ADGRB3: variants seen among roughly 807,000 people sequenced by gnomAD.
The protein encoded by ADGRB3 is brain-specific angiogenesis inhibitor 3.
Under a neutral mutation model 193.4 loss-of-function variants are expected in ADGRB3, and 37 were observed. The observed-to-expected ratio is 0.19, with a 90% CI of 0.15 to 0.25. The LOEUF is 0.25. Ranked by LOEUF, ADGRB3 falls within the 10% of genes least tolerant of loss-of-function variation. The pLI, the probability that ADGRB3 is intolerant of heterozygous loss-of-function variation, is 1.00. For synonymous variants in ADGRB3, 690 were observed against 644.2 expected, an observed-to-expected ratio of 1.07 and a Z score of -1.08; for missense variants, 1,637 against 1,852.9, an observed-to-expected ratio of 0.88 and a Z score of 2.14.
At chr6:68,725,271 T>C (rs969782551) in intron 3 of ADGRB3, among the ~76,000 whole-genome samples, 1 of 151,700 alleles carries the variant, frequency 6.6e-6, no homozygotes, top group African/African-American at 2.4e-5. Context: ...TTTTAGGATT[T>C]ATCCCACATA....
At chr6:69,346,899 A>G (rs953093031) in intron 26 of ADGRB3, among the ~76,000 whole-genome samples, 1 of 152,218 alleles carries the variant, frequency 6.6e-6, no homozygotes, top group East Asian at 1.9e-4. Flanking sequence ...CTATAAAGAC[A>G]CATGTACACC....
intron 20 of ADGRB3, among the ~76,000 whole-genome samples, chr6:69,323,484 TGA>T (rs1267533449): frequency 1.3e-5 from 2 of 152,080 alleles, no homozygotes; most frequent in Non-Finnish European, 2.9e-5. Context: ...AGTATAGGTA[TGA>T]GGAAGTTTTC....
At chr6:68,791,372 C>T (rs1039034315) in intron 3 of ADGRB3, among the ~76,000 whole-genome samples, 1 of 152,072 alleles carries the variant, frequency 6.6e-6, no homozygotes, top group Non-Finnish European at 1.5e-5. Flanking sequence ...TAGGTATATG[C>T]TACATAAGTA....
chr6:68,974,180 T>C (rs940482880), intron 8 of ADGRB3, among the ~76,000 whole-genome samples: 1 of 152,154 alleles, frequency 6.6e-6, no homozygotes, highest in African/African-American at 2.4e-5. Flanking sequence ...AATATTTTTA[T>C]TGATATGCCT....
intron 20 of ADGRB3, among the ~76,000 whole-genome samples, chr6:69,267,831 T>TC (rs1052332903): frequency 5.8e-4 from 88 of 152,220 alleles, no homozygotes; most frequent in Middle Eastern, 6.8e-3. Context: ...TTGAGTTTTT[T>TC]CCCGACATCT....
At chr6:68,798,056 A>G (rs1406219200) in intron 3 of ADGRB3, among the ~76,000 whole-genome samples, 2 of 152,276 alleles carry the variant, frequency 1.3e-5, no homozygotes, top group South Asian at 4.1e-4. Flanking sequence ...GGAATTCATT[A>G]CCAGATGAGT....
rs1768741420 is a variant in ADGRB3, at chr6:69,332,032, G to A, written c.3103-891G>A. 5 of 985,182 alleles carry A rather than the reference G, an allele frequency of 5.1e-6. No individual in the cohort carries two copies. The Admixed American group carries it at 1.8e-4, about 36-fold the overall frequency. 61.0% of individuals were successfully genotyped at this position (985,182 alleles called of 1,614,324 possible). ...TATTCACCATCTTCATTGGCAGCAG[G>A]GCAGGGTTACACCAAGATTGGAAAG... On this transcript the variant is annotated intron_variant, in intron 23 of 31. Transcript: ENST00000370598.
At chr6:68,844,292 T>A (rs1364389103) in intron 3 of ADGRB3, among the ~76,000 whole-genome samples, 1 of 151,750 alleles carries the variant, frequency 6.6e-6, no homozygotes, top group Non-Finnish European at 1.5e-5. Flanking sequence ...AAATGATTAA[T>A]AACTAGAAAA....
intron 10 of ADGRB3, among the ~76,000 whole-genome samples, chr6:68,992,868 T>C (rs1769274908): frequency 6.6e-6 from 1 of 152,094 alleles, no homozygotes; most frequent in Non-Finnish European, 1.5e-5. Flanking sequence ...TTAACCTTCC[T>C]ATTTCACTAT....
chr6:68,864,254 A>C (rs1385538841), intron 3 of ADGRB3, among the ~76,000 whole-genome samples: 4 of 152,206 alleles, frequency 2.6e-5, no homozygotes, highest in African/African-American at 9.7e-5. Flanking sequence ...ATGCACAGTT[A>C]AGTTATGGCA....
chr6:68,856,733 A>T (rs1764995909), intron 3 of ADGRB3, among the ~76,000 whole-genome samples: 1 of 152,342 alleles, frequency 6.6e-6, no homozygotes, highest in African/African-American at 2.4e-5. Flanking sequence ...GAGAAATTCA[A>T]GCTAGCTGCA....
intron 3 of ADGRB3, among the ~76,000 whole-genome samples, chr6:68,837,325 A>G (rs1274168403): frequency 1.3e-5 from 2 of 152,222 alleles, no homozygotes; most frequent in Non-Finnish European, 2.9e-5. Flanking sequence ...TGTACTATCA[A>G]TATAATGTAA....
At chr6:68,791,421 G>A (rs886278785) in intron 3 of ADGRB3, among the ~76,000 whole-genome samples, 5 of 152,112 alleles carry the variant, frequency 3.3e-5, no homozygotes, top group African/African-American at 1.2e-4. Context: ...AAGAAAATTA[G>A]TGGAACGTTT....
intron 17 of ADGRB3, among the ~76,000 whole-genome samples, chr6:69,158,793 G>A (rs1392631922): frequency 2.6e-5 from 4 of 151,934 alleles, no homozygotes; most frequent in Non-Finnish European, 5.9e-5. Flanking sequence ...GGGATCATAA[G>A]AGCACTTGAG....
intron 13 of ADGRB3, among the ~76,000 whole-genome samples, chr6:69,040,386 TC>T (rs1189212633): frequency 1.9e-4 from 1 of 5,224 alleles, no homozygotes; most frequent in Admixed American, 2.4e-3. Flanking sequence ...TCCTTCTCTC[TC>T]TTTCTTTCCT....
At chr6:68,755,458 G>A (rs910202086) in intron 3 of ADGRB3, among the ~76,000 whole-genome samples, 9 of 152,118 alleles carry the variant, frequency 5.9e-5, no homozygotes, top group African/African-American at 9.7e-5. Flanking sequence ...TGCTATGAGC[G>A]TGCTCACAAT....
intron 20 of ADGRB3, among the ~76,000 whole-genome samples, chr6:69,284,016 A>C (rs1767497990): frequency 6.6e-6 from 1 of 152,090 alleles, no homozygotes. Flanking sequence ...TATTCCACAA[A>C]AGGGGCCCTG....
intron 7 of ADGRB3, 22 bp from the exon 8 acceptor site, chr6:68,956,623 G>T: frequency 1.2e-6 from 2 of 1,613,174 alleles, no homozygotes; most frequent in South Asian, 2.2e-5. Context: ...GACTGACATT[G>T]ACCATGAAAC....
intron 3 of ADGRB3, among the ~76,000 whole-genome samples, chr6:68,836,817 C>T (rs542373360): frequency 2.6e-5 from 4 of 151,996 alleles, no homozygotes; most frequent in African/African-American, 7.3e-5. Flanking sequence ...TAGTGAGACT[C>T]CATCTCTATT....
Sources: gnomAD v4.1 joint callset for allele counts (sites outside exome capture counted in the v4.1 genomes callset) on GRCh38, gnomAD v4.1.1 for gene constraint, MANE v1.5 for transcripts, NCBI Gene and HGNC (gene_info 2026-07-23, HGNC 2026-07-21) for gene names.